The following MN1 variants were observed in gnomAD, a reference collection of about 807,000 sequenced individuals.
MN1 encodes MN1 proto-oncogene, transcriptional regulator.
Under a neutral mutation model 86.9 loss-of-function variants are expected in MN1, and 19 were observed. The ratio of observed to expected loss-of-function variants is 0.22; its 90% confidence interval spans 0.15 to 0.32. MN1 has a LOEUF of 0.32. Among genes scored for constraint, MN1 ranks in the 10% least tolerant of loss-of-function variants. The probability of loss-of-function intolerance (pLI) is 1.00; values close to 1 mark genes in which losing one functional copy is unlikely to be tolerated. For synonymous variants in MN1, 928 were observed against 849.6 expected (o/e 1.09, Z -1.60); for missense variants, 1,841 against 1,862.0 (o/e 0.99, Z 0.21).
intron 1 of MN1, among the ~76,000 whole-genome samples, chr22:27,792,927 T>C (rs1933234158): frequency 6.6e-6 from 1 of 152,116 alleles, no homozygotes; most frequent in Non-Finnish European, 1.5e-5. Context: ...CTAAAGAAAT[T>C]CCATGTTCAA....
chr22:27,753,281 G>A (rs974820373), intron 1 of MN1, among the ~76,000 whole-genome samples: 1 of 152,220 alleles, frequency 6.6e-6, no homozygotes, highest in Non-Finnish European at 1.5e-5. Flanking sequence ...TGATGGTGAG[G>A]CCAGGAAACA....
chr22:27,799,035 G>A lies in MN1; in HGVS notation c.1509C>T (p.Pro503=), dbSNP rs1933375815. The change falls in exon 1 of 2, where the codon CCC becomes CCT. Residue 503 remains proline, a synonymous_variant. Coordinates refer to ENST00000302326, the MANE Select transcript of MN1 (RefSeq NM_002430.3). ...GGGGCGGCCCCGAAGGGAAGCTGTC[G>A]GGCACAGGCGGTGTGAACTCGCCGG... The part of the protein sequence containing the change: ...GLPGEFTPPV[P]DSFPSGPPLQ... The A allele has an allele frequency of 3.7e-6, 6 of 1,611,668 alleles. No individual in the cohort carries two copies. Among genetic ancestry groups the A allele is most frequent in the East Asian group, 2.2e-5 (1 of 44,842 alleles).
intron 1 of MN1, among the ~76,000 whole-genome samples, chr22:27,771,783 C>T (rs756110665): frequency 6.8e-4 from 103 of 152,118 alleles, no homozygotes; most frequent in Admixed American, 1.6e-3. Context: ...CCAACTCCTG[C>T]GTTAACTCAT....
Position 27,798,176 on chromosome 22 carries a change from C to T in MN1, c.2368G>A (p.Asp790Asn). 6.4e-7 allele frequency: 1 copy of T among 1,569,814 alleles called. No homozygotes were observed. The highest frequency in any genetic ancestry group is 8.6e-7 in the Non-Finnish European group (1 of 1,164,634). Residue 790 changes from aspartate (D) to asparagine (N), a missense_variant, in exon 1 of 2, where the codon GAT becomes AAT. Physicochemically the swap from Asp to Asn is conservative, Grantham distance 23. Transcript: ENST00000302326. ...GGGGAYPPQP[D>N]FQPSQRTSAS... ...GAGGTGCGCTGGCTGGGCTGGAAATCAGGCTGCGGCGGGTAGGCACCCCCG... is the reference window on the plus strand; with the variant it reads ...GAGGTGCGCTGGCTGGGCTGGAAATTAGGCTGCGGCGGGTAGGCACCCCCG...
intron 1 of MN1, among the ~76,000 whole-genome samples, chr22:27,761,717 G>GC (rs1357222417): frequency 2.0e-5 from 3 of 152,258 alleles, no homozygotes; most frequent in Non-Finnish European, 2.9e-5. Flanking sequence ...GGTCTGCAAG[G>GC]CCCCCCCGTT....
rs1378868665 is a variant in MN1, at chr22:27,749,547, C to G, written c.*1368G>C. 4.3e-6 allele frequency: 1 copy of G among 232,374 alleles called. No homozygotes were observed. The highest frequency in any genetic ancestry group is 8.5e-6 in the Non-Finnish European group (1 of 117,616). 14.4% of individuals were successfully genotyped at this position (232,374 alleles called of 1,614,324 possible). ...ACCCAAAGTTGCCTGCCCCTGCCAA[C>G]CACCACTCATCTCTGCTCAGAGCAG... is the stretch of plus-strand genomic sequence containing the variant. On this transcript the variant is annotated 3_prime_UTR_variant, in exon 2 of 2. Coordinates refer to ENST00000302326, the MANE Select transcript of MN1 (RefSeq NM_002430.3).
At chr22:27,792,285 C>T (rs1265276774) in intron 1 of MN1, among the ~76,000 whole-genome samples, 4 of 142,442 alleles carry the variant, frequency 2.8e-5, no homozygotes, top group Non-Finnish European at 6.0e-5. Flanking sequence ...GAAAGCTATA[C>T]TTGAGGAAAG....
chr22:27,798,397 C>A lies in MN1; in HGVS notation c.2147G>T (p.Gly716Val). ...LGGLGQLQSP[G>V]AGVGLPSAAS... ...AGCGCTGGGGAGCCCCACGCCCGCCCCGGGCGACTGCAGCTGACCCAGGCC... is the reference window on the plus strand; with the variant it reads ...AGCGCTGGGGAGCCCCACGCCCGCCACGGGCGACTGCAGCTGACCCAGGCC... Residue 716 changes from glycine (G) to valine (V), a missense_variant, in exon 1 of 2, where the codon GGG becomes GTG. Gly to Val is a moderately radical substitution (Grantham distance 109). Coordinates refer to ENST00000302326, the MANE Select transcript of MN1 (RefSeq NM_002430.3). 1 of 1,514,584 alleles carries A rather than the reference C, an allele frequency of 6.6e-7. No individual in the cohort carries two copies. The highest frequency in any genetic ancestry group is 8.8e-7 in the Non-Finnish European group (1 of 1,140,072). The allele number at this position is 1,514,584 out of a possible 1,614,324, so 93.8% of individuals were successfully genotyped here. A position where few individuals can be genotyped will look rare whatever the true frequency, so the allele number is the denominator to read the frequency against.
At chr22:27,756,261 C>G (rs1474565535) in intron 1 of MN1, among the ~76,000 whole-genome samples, 3 of 152,180 alleles carry the variant, frequency 2.0e-5, no homozygotes, top group Non-Finnish European at 4.4e-5. Flanking sequence ...ATAGAGGGGG[C>G]CGAGTTTTCT....
rs750332392 is a variant in MN1 at position 27,798,972 on chromosome 22, C to CTGT, written c.1569_1571dup (p.Gln550dup). 85 of 1,600,946 alleles carry CTGT rather than the reference C, an allele frequency of 5.3e-5. No homozygotes were observed. Among genetic ancestry groups the CTGT allele is most frequent in the Non-Finnish European group, 6.8e-5 (80 of 1,174,828 alleles). On this transcript the variant is annotated inframe_insertion, in exon 1 of 2. Transcript: ENST00000302326. ...GCTGCTGCTGCTGCTGCTGCTGCTG[C>CTGT]TGTTGCAGGGACTGGTGGTCCGGGG... is the stretch of plus-strand genomic sequence containing the variant.
chr22:27,756,339 G>C (rs1360342158), intron 1 of MN1, among the ~76,000 whole-genome samples: 1 of 152,182 alleles, frequency 6.6e-6, no homozygotes, highest in South Asian at 2.1e-4. Flanking sequence ...CCGCGGACCA[G>C]GTTCCAATGT....
chr22:27,800,994 C>G lies in MN1; in HGVS notation c.-451G>C. ...CCTCAGGACGCCGCCCGCAGCCTCCCGGAGTCCGTGGCAGAGCTGCTAAGG... is the reference window on the plus strand; with the variant it reads ...CCTCAGGACGCCGCCCGCAGCCTCCGGGAGTCCGTGGCAGAGCTGCTAAGG... On this transcript the variant is annotated 5_prime_UTR_variant, in exon 1 of 2. Coordinates refer to ENST00000302326, the MANE Select transcript of MN1 (RefSeq NM_002430.3). 3.4e-6 allele frequency: 1 copy of G among 295,310 alleles called. No individual in the cohort carries two copies. The highest frequency in any genetic ancestry group is 6.4e-6 in the Non-Finnish European group (1 of 155,908). The allele number at this position is 295,310 out of a possible 1,614,324, so 18.3% of individuals were successfully genotyped here.
rs563054351 is a variant in MN1, at chr22:27,770,518, C to T, written c.3782-19422G>A. On this transcript the variant is annotated intron_variant, in intron 1 of 1. Transcript: ENST00000302326. ...ACTTTGGACAAGGCACTTTCCCTCTCTGGGCCTCAGTCTCCCTGCAATGGA... is the reference window on the plus strand; with the variant it reads ...ACTTTGGACAAGGCACTTTCCCTCTTTGGGCCTCAGTCTCCCTGCAATGGA... Among the ~76,000 whole-genome samples, 591 of 152,340 alleles carry T rather than the reference C, an allele frequency of 3.9e-3. 4 individuals carry two copies. The highest frequency in any genetic ancestry group is 4.9e-3 in the Non-Finnish European group (331 of 68,040).
In MN1 at chr22:27,798,557, G is replaced by C; in HGVS notation, c.1987C>G (p.Leu663Val). The change falls in exon 1 of 2, where the codon CTG becomes GTG. Residue 663 changes from leucine to valine, a missense_variant. By Grantham distance (32) the Leu-to-Val change is conservative. Coordinates refer to ENST00000302326, the MANE Select transcript of MN1 (RefSeq NM_002430.3). ...CCACCAGGCGGAGGAGGGGGCGCCA[G>C]GCTGGGGTCGTGCGGGCCACAGTCA... ...PADCGPHDPS[L>V]APPPPPGGSG... The C allele has an allele frequency of 6.5e-7, 1 of 1,527,678 alleles. No individual in the cohort carries two copies. Among genetic ancestry groups the C allele is most frequent in the Non-Finnish European group, 8.7e-7 (1 of 1,147,400 alleles). The allele number at this position is 1,527,678 out of a possible 1,614,324, so 94.6% of individuals were successfully genotyped here. A position where few individuals can be genotyped will look rare whatever the true frequency, so the allele number is the denominator to read the frequency against.
chr22:27,749,797 C>T lies in MN1; in HGVS notation c.*1118G>A, dbSNP rs376047808. The T allele has an allele frequency of 8.6e-6, 2 of 231,456 alleles. No individual in the cohort carries two copies. The highest frequency in any genetic ancestry group is 2.2e-5 in the African/African-American group (1 of 45,228). 14.3% of individuals were successfully genotyped at this position (231,456 alleles called of 1,614,324 possible). ...CTGAGCAGGCTGAGCAAGAGGGTGC[C>T]TCATCCCTCCCAGGGGTGGGGTTGC... On this transcript the variant is annotated 3_prime_UTR_variant, in exon 2 of 2. Coordinates refer to ENST00000302326, the MANE Select transcript of MN1 (RefSeq NM_002430.3).
Position 27,798,322 on chromosome 22 carries a change from C to A in MN1, c.2222G>T (p.Gly741Val). Residue 741 changes from glycine to valine, a missense_variant, in exon 1 of 2, where the codon GGG becomes GTG. By Grantham distance (109) the Gly-to-Val change is moderately radical (BLOSUM62 -3). Coordinates refer to ENST00000302326, the MANE Select transcript of MN1 (RefSeq NM_002430.3). The part of the protein sequence containing the change: ...PPPDFATSAL[G>V]GQPGFPFGAA... ...ACCAAACGGAAAGCCCGGCTGGCCC[C>A]CGAGCGCAGACGTAGCAAAGTCCGG... 2 of 1,519,526 alleles carry A rather than the reference C, an allele frequency of 1.3e-6. No individual in the cohort carries two copies. The highest frequency in any genetic ancestry group is 1.8e-6 in the Non-Finnish European group (2 of 1,142,404). 94.1% of individuals were successfully genotyped at this position (1,519,526 alleles called of 1,614,324 possible).
chr22:27,769,628 C>T (rs1003776574), intron 1 of MN1, among the ~76,000 whole-genome samples: 4 of 131,848 alleles, frequency 3.0e-5, no homozygotes, highest in African/African-American at 5.9e-5. Flanking sequence ...TCTCGGCTCG[C>T]TGCAAGCTCC....
chr22:27,767,374 T>C (rs891806785), intron 1 of MN1, among the ~76,000 whole-genome samples: 1 of 152,088 alleles, frequency 6.6e-6, no homozygotes, highest in Non-Finnish European at 1.5e-5. Context: ...TCACAAACCA[T>C]GTAGAGATTA....
intron 1 of MN1, among the ~76,000 whole-genome samples, chr22:27,794,182 G>A (rs45540633): frequency 6.6e-4 from 101 of 152,304 alleles, no homozygotes; most frequent in African/African-American, 2.4e-3. Flanking sequence ...GGACTCAGGG[G>A]CCTGTAGAAA....
Sources: allele counts gnomAD v4.1 joint callset (sites outside exome capture counted in the v4.1 genomes callset), GRCh38; gene constraint gnomAD v4.1.1; transcripts MANE v1.5; gene names NCBI Gene and HGNC (gene_info 2026-07-23, HGNC 2026-07-21).